CASP6: variants seen among roughly 807,000 people sequenced by gnomAD.
CASP6 encodes caspase 6.
A neutral mutation model predicts 31.8 loss-of-function variants in CASP6; 20 were observed. The ratio of observed to expected loss-of-function variants is 0.63; its 90% confidence interval spans 0.44 to 0.91. The LOEUF (loss-of-function observed/expected upper bound fraction) is 0.91, where lower values mean the gene tolerates loss of function less well. CASP6 is among the 40% of genes least tolerant of loss of function. The pLI, the probability that CASP6 is intolerant of heterozygous loss-of-function variation, is 0.00. For synonymous variants in CASP6, 130 were observed against 127.8 expected, an observed-to-expected ratio of 1.02 and a Z score of -0.12; for missense variants, 328 against 361.1, an observed-to-expected ratio of 0.91 and a Z score of 0.74.
At chr4:109,702,482 T>G (rs1730451392) in intron 1 of CASP6, among the ~76,000 whole-genome samples, 1 of 152,024 alleles carries the variant, frequency 6.6e-6, no homozygotes, top group Non-Finnish European at 1.5e-5. Flanking sequence ...GCCTGGCTAA[T>G]TTTTTTGTAT....
the CASP6 span, chr4:109,673,930 G>A: frequency 3.9e-4 from 308 of 783,882 alleles, 1 homozygote; most frequent in African/African-American, 4.0e-3. Context: ...GGCACCATTC[G>A]TACCCATTGG....
chr4:109,664,499 A>T, the CASP6 span: 1 of 577,592 alleles, frequency 1.7e-6, no homozygotes, highest in Non-Finnish European at 3.1e-6. Flanking sequence ...GTCATAGCTC[A>T]CTGTAATCTC....
the CASP6 span, among the ~76,000 whole-genome samples, chr4:109,678,216 T>C: frequency 1.3e-5 from 2 of 152,236 alleles, no homozygotes; most frequent in Middle Eastern, 3.4e-3. Context: ...TGTCTACTTC[T>C]TTCTGCACAG....
upstream of CASP6, among the ~76,000 whole-genome samples, chr4:109,705,677 G>T (rs118109721): frequency 6.6e-6 from 1 of 151,818 alleles, no homozygotes; most frequent in African/African-American, 2.4e-5. Flanking sequence ...AAAGAAAAAC[G>T]AAAAATTAAA....
chr4:109,697,634 T>C lies in CASP6; in HGVS notation c.218A>G (p.Asn73Ser), dbSNP rs141550898. The change falls in exon 3 of 7, where the codon AAT becomes AGT. Residue 73 changes from asparagine (N) to serine (S), a missense_variant. Physicochemically the swap from Asn to Ser is conservative, Grantham distance 46 (BLOSUM62 1). Coordinates refer to ENST00000265164, the MANE Select transcript of CASP6 (RefSeq NM_001226.4). ...ERRGTCADRD[N>S]LTRRFSDLGF... ...ATAAAACTACTACCTGCGGGTAAGA[T>C]TGTCTCTATCTGCGCAGGTGCCCCG... is the stretch of plus-strand genomic sequence containing the variant. 3.1e-6 allele frequency: 5 copies of C among 1,606,256 alleles called. No individual in the cohort carries two copies. Among genetic ancestry groups the C allele is most frequent in the East Asian group, 2.2e-5 (1 of 44,712 alleles).
the CASP6 span, among the ~76,000 whole-genome samples, chr4:109,679,937 G>GT: frequency 2.0e-5 from 3 of 152,084 alleles, no homozygotes; most frequent in Non-Finnish European, 4.4e-5. Flanking sequence ...GAGTAGCTGG[G>GT]ACTACAGGTG....
chr4:109,703,397 G>A lies in CASP6; in HGVS notation c.-2C>T, dbSNP rs758427383. 8 of 1,611,682 alleles carry A rather than the reference G, an allele frequency of 5.0e-6. No homozygotes were observed. The African/African-American group carries it at 9.4e-5, about 19-fold the overall frequency. ...GCGGAGCCCCGAGGCCGAGCTCATT[G>A]CAGCCAAACGCGCAGCCAGACACCT... On this transcript the variant is annotated 5_prime_UTR_variant, in exon 1 of 7. Coordinates refer to ENST00000265164, the MANE Select transcript of CASP6 (RefSeq NM_001226.4).
At chr4:109,709,022 A>T in the CASP6 span, among the ~76,000 whole-genome samples, 1 of 152,206 alleles carries the variant, frequency 6.6e-6, no homozygotes, top group Non-Finnish European at 1.5e-5. Context: ...CATAGCTTCA[A>T]ACTCTTTGTT....
chr4:109,702,035 G>A (rs1408235017), intron 1 of CASP6, among the ~76,000 whole-genome samples: 2 of 152,220 alleles, frequency 1.3e-5, no homozygotes, highest in Non-Finnish European at 2.9e-5. Flanking sequence ...CATCAACAAT[G>A]TATTTAGTAA....
chr4:109,698,189 C>A, intron 2 of CASP6, 111 bp downstream of exon 2: 1 of 1,151,896 alleles, frequency 8.7e-7, no homozygotes, highest in Non-Finnish European at 1.2e-6. Context: ...TAAAACTTGG[C>A]CTACTCAGTT....
chr4:109,689,152 TGCA>T lies in CASP6; in HGVS notation c.*175_*177del. The T allele has an allele frequency of 3.6e-6, 2 of 558,148 alleles. No individual in the cohort carries two copies. Among genetic ancestry groups the T allele is most frequent in the South Asian group, 2.2e-5 (1 of 46,480 alleles). 34.6% of individuals were successfully genotyped at this position (558,148 alleles called of 1,614,324 possible). A position where few individuals can be genotyped will look rare whatever the true frequency, so the allele number is the denominator to read the frequency against. On this transcript the variant is annotated 3_prime_UTR_variant, in exon 7 of 7. Transcript: ENST00000265164. ...CGCCATGCCTAGCTAAATTTTTTTT[TGCA>T]TTTTTAGTAGAGACGGGGCTTCTCC...
At chr4:109,673,937 T>C in the CASP6 span, 1 of 790,654 alleles carries the variant, frequency 1.3e-6, no homozygotes, top group Non-Finnish European at 2.3e-6. Context: ...TTCGTACCCA[T>C]TGGAATAGCA....
chr4:109,672,595 G>A, the CASP6 span, among the ~76,000 whole-genome samples: 1 of 152,158 alleles, frequency 6.6e-6, no homozygotes, highest in Non-Finnish European at 1.5e-5. Flanking sequence ...ATAATAGAAG[G>A]CTCTTACTTA....
At chr4:109,682,592 T>C in the CASP6 span, 1 of 1,606,606 alleles carries the variant, frequency 6.2e-7, no homozygotes, top group South Asian at 1.1e-5. Context: ...AAAAACCAAG[T>C]AATGAGCACA....
At chr4:109,707,793 AG>A (rs1215785999), upstream of CASP6, among the ~76,000 whole-genome samples, 3 of 152,158 alleles carry the variant, frequency 2.0e-5, no homozygotes, top group African/African-American at 4.8e-5. Flanking sequence ...TTTCCTGGGG[AG>A]AGCATGTTGT....
the CASP6 span, among the ~76,000 whole-genome samples, chr4:109,673,097 G>A: frequency 1.3e-3 from 195 of 152,314 alleles, no homozygotes; most frequent in Non-Finnish European, 2.2e-3. Context: ...CATCAGGGCA[G>A]TATTTAACTT....
At chr4:109,690,213 G>A (rs1432700363) in intron 6 of CASP6, among the ~76,000 whole-genome samples, 2 of 141,184 alleles carry the variant, frequency 1.4e-5, no homozygotes, top group Non-Finnish European at 3.0e-5. Context: ...ACACACACAC[G>A]TCTGGGCAAC....
Position 109,703,380 on chromosome 4 carries a change from C to T in CASP6, c.16G>A (p.Gly6Arg). The T allele has an allele frequency of 6.2e-7, 1 of 1,611,800 alleles. No homozygotes were observed. Among genetic ancestry groups the T allele is most frequent in the Non-Finnish European group, 8.5e-7 (1 of 1,179,270 alleles). Reference sequence around the variant, plus strand: ...CCTGCCGGGTGCCCCCTGCGGAGCCCCGAGGCCGAGCTCATTGCAGCCAAA... The same window carrying T: ...CCTGCCGGGTGCCCCCTGCGGAGCCTCGAGGCCGAGCTCATTGCAGCCAAA... The part of the protein sequence containing the change: MSSAS[G>R]LRRGHPAGGE... The change falls in exon 1 of 7, where the codon GGG becomes AGG. Residue 6 changes from glycine (G) to arginine (R), a missense_variant. Gly to Arg is a moderately radical substitution (Grantham distance 125). Transcript: ENST00000265164.
chr4:109,682,567 T>G, the CASP6 span: 1 of 1,593,820 alleles, frequency 6.3e-7, no homozygotes, highest in Non-Finnish European at 8.5e-7. Context: ...TTGTTTCCCT[T>G]GTGTCTTTTC....
Sources: gnomAD v4.1 joint callset for allele counts (sites outside exome capture counted in the v4.1 genomes callset) on GRCh38, gnomAD v4.1.1 for gene constraint, MANE v1.5 for transcripts, NCBI Gene and HGNC (gene_info 2026-07-23, HGNC 2026-07-21) for gene names.